The following CLPTM1 variants were observed in gnomAD, a reference collection of about 807,000 sequenced individuals.
CLPTM1 encodes CLPTM1 regulator of GABA type A receptor forward trafficking.
A neutral mutation model predicts 77.3 loss-of-function variants in CLPTM1; 21 were observed. That is an observed-to-expected ratio of 0.27 (90% CI 0.19 to 0.39). The LOEUF is 0.39. Among genes scored for constraint, CLPTM1 ranks in the 10% least tolerant of loss-of-function variants. The pLI is 1.00. For synonymous variants in CLPTM1, 373 were observed against 381.0 expected (o/e 0.98, Z 0.24); for missense variants, 642 against 921.2 (o/e 0.70, Z 3.92).
intron 4 of CLPTM1, 130 bp downstream of exon 4, chr19:44,974,727 A>G (rs1970779871): frequency 2.0e-6 from 2 of 1,019,444 alleles, no homozygotes; most frequent in South Asian, 1.7e-5. Flanking sequence ...CTGGGCTCAC[A>G]TGGTCTGTGA....
At chr19:44,974,776 C>T (rs1012033813) in intron 4 of CLPTM1, among the ~76,000 whole-genome samples, 179 bp downstream of exon 4, 1 of 152,162 alleles carries the variant, frequency 6.6e-6, no homozygotes, top group Non-Finnish European at 1.5e-5. Context: ...CTTCACTTTC[C>T]CCTACCTGAA....
chr19:44,954,836 A>C (rs1055875151), upstream of CLPTM1: 1 of 1,200,104 alleles, frequency 8.3e-7, no homozygotes, highest in Non-Finnish European at 1.1e-6. Context: ...CACAGAAAGG[A>C]TATGAGCTCA....
intron 5 of CLPTM1, among the ~76,000 whole-genome samples, chr19:44,980,347 A>G (rs1479656528): frequency 6.6e-6 from 1 of 151,942 alleles, no homozygotes; most frequent in Admixed American, 6.6e-5. Context: ...TGTCTCTACT[A>G]AAAATACAAA....
intron 5 of CLPTM1, 130 bp downstream of exon 5, chr19:44,977,590 G>A: frequency 1.3e-6 from 1 of 743,078 alleles, no homozygotes; most frequent in Non-Finnish European, 2.3e-6. Context: ...AAGAGGGTGG[G>A]ATTGGCAGGG....
In CLPTM1 at chr19:44,990,289, C is replaced by A; in HGVS notation, c.1133-106C>A. 1 of 1,192,858 alleles carries A rather than the reference C, an allele frequency of 8.4e-7. No individual in the cohort carries two copies. Among genetic ancestry groups the A allele is most frequent in the South Asian group, 1.4e-5 (1 of 71,076 alleles). 73.9% of individuals were successfully genotyped at this position (1,192,858 alleles called of 1,614,324 possible). A position where few individuals can be genotyped will look rare whatever the true frequency, so the allele number is the denominator to read the frequency against. On this transcript the variant is annotated intron_variant, in intron 9 of 13. Coordinates refer to ENST00000337392, the MANE Select transcript of CLPTM1 (RefSeq NM_001294.4). This position sits in a 1 kb window ranked among gnomAD's most constrained non-coding sequence, Gnocchi z 4.8. The stretch of plus-strand genomic sequence containing the variant: ...TTCAGCACCCCTCCTGAGGACCCAG[C>A]CCCACCCCAGGGTGTGAGGATGCAG...
At chr19:44,985,468 G>A (rs758766387) in intron 6 of CLPTM1, among the ~76,000 whole-genome samples, 165 bp downstream of exon 6, 16 of 152,188 alleles carry the variant, frequency 1.1e-4, no homozygotes, top group Non-Finnish European at 1.9e-4. Flanking sequence ...GGGAAATGGG[G>A]TCAGGAGGCA....
chr19:44,981,032 C>G (rs1299256818), intron 5 of CLPTM1, among the ~76,000 whole-genome samples: 2 of 152,004 alleles, frequency 1.3e-5, no homozygotes, highest in African/African-American at 2.4e-5. Context: ...TAGTAGAGAC[C>G]AGGTTTCACC....
At chr19:44,972,999 G>A in intron 2 of CLPTM1, 88 bp from the exon 3 acceptor site, 2 of 1,552,240 alleles carry the variant, frequency 1.3e-6, no homozygotes, top group Non-Finnish European at 1.7e-6. Context: ...TCAGGCGCCA[G>A]CATGTGCTAA....
At chr19:44,972,485 G>A (rs974449450) in intron 2 of CLPTM1, among the ~76,000 whole-genome samples, 2 of 152,004 alleles carry the variant, frequency 1.3e-5, no homozygotes, top group Non-Finnish European at 2.9e-5. Context: ...TCCTGACCTC[G>A]TGATCCGCCC....
At chr19:44,986,624 C>T in intron 7 of CLPTM1, 49 bp downstream of exon 7, 1 of 1,596,838 alleles carries the variant, frequency 6.3e-7, no homozygotes, top group South Asian at 1.1e-5. Flanking sequence ...TGAGAGGGTG[C>T]TCGGGGTCCA....
rs1470985056 is a variant in CLPTM1 at position 44,992,517 on chromosome 19, T to C, written c.1724-94T>C. ...GATGGGGTGCTCAGTCTGAGGGGGC[T>C]CGGCCCCGCCCTTGCATCACGCCCT... is the stretch of plus-strand genomic sequence containing the variant. On this transcript the variant is annotated intron_variant, in intron 13 of 13. Transcript: ENST00000337392. The surrounding 1 kb of genome is among the most constrained non-coding windows in gnomAD (Gnocchi z 7.7). The C allele has an allele frequency of 6.3e-7, 1 of 1,589,990 alleles. No individual in the cohort carries two copies. The highest frequency in any genetic ancestry group is 1.7e-5 in the Admixed American group (1 of 59,356).
At position 44,977,480 on chromosome 19, in the gene CLPTM1, C is replaced by G; in HGVS notation, c.586+20C>G. 6.4e-7 allele frequency: 1 copy of G among 1,553,768 alleles called. No homozygotes were observed. The highest frequency in any genetic ancestry group is 8.8e-7 in the Non-Finnish European group (1 of 1,134,890). The stretch of plus-strand genomic sequence containing the variant: ...CCCGGAGTAAGTCGCTCCCCTGCAG[C>G]CAGGACCCACTGTCCAGGAGGCCAG... On this transcript the variant is annotated intron_variant, in intron 5 of 13. Transcript: ENST00000337392.
intron 2 of CLPTM1, among the ~76,000 whole-genome samples, chr19:44,969,707 A>G (rs1279711537): frequency 1.8e-5 from 2 of 112,126 alleles, no homozygotes; most frequent in Non-Finnish European, 3.7e-5. Context: ...TTTTTTTTTG[A>G]GATGGAGTCT....
chr19:44,955,370 C>A, upstream of CLPTM1: 7 of 477,220 alleles, frequency 1.5e-5, no homozygotes, highest in Non-Finnish European at 1.9e-5. Context: ...GGGCTGGCGG[C>A]GGGGGCGGGG....
chr19:44,962,978 T>C (rs926470951), intron 2 of CLPTM1, among the ~76,000 whole-genome samples: 2 of 150,672 alleles, frequency 1.3e-5, no homozygotes, highest in Non-Finnish European at 3.0e-5. Flanking sequence ...AGAGCTGAGA[T>C]CGCGCTACTG....
chr19:44,974,751 C>G (rs1226945771), intron 4 of CLPTM1, among the ~76,000 whole-genome samples, 154 bp downstream of exon 4: 1 of 152,126 alleles, frequency 6.6e-6, no homozygotes, highest in South Asian at 2.1e-4. Flanking sequence ...CAAGCCAGTC[C>G]CTGAGATCTC....
intron 9 of CLPTM1, among the ~76,000 whole-genome samples, chr19:44,988,565 G>A (rs1971020089): frequency 6.6e-6 from 1 of 152,246 alleles, no homozygotes. Context: ...GGAAGGAGGA[G>A]CACTGTCCCC....
intron 1 of CLPTM1, among the ~76,000 whole-genome samples, chr19:44,959,507 A>G (rs911539917): frequency 6.7e-6 from 1 of 149,078 alleles, no homozygotes; most frequent in African/African-American, 2.5e-5. Flanking sequence ...GGCATGCACT[A>G]CCACACCTGG....
In CLPTM1 at chr19:44,991,766, G is replaced by A. The variant is rs1041134693; in HGVS notation, c.1555+393G>A. On this transcript the variant is annotated intron_variant, in intron 12 of 13. Coordinates refer to ENST00000337392, the MANE Select transcript of CLPTM1 (RefSeq NM_001294.4). The surrounding 1 kb of genome is among the most constrained non-coding windows in gnomAD (Gnocchi z 5.4). ...AAAAAAACACAGAAATTATTGGGGA[G>A]TGGTGGTGCGTGCCTGTAGTCCCAG... 3.3e-5 allele frequency among the ~76,000 whole-genome samples: 5 copies of A among 152,114 alleles called. No individual in the cohort carries two copies. Among genetic ancestry groups the A allele is most frequent in the African/African-American group, 1.2e-4 (5 of 41,428 alleles).
Sources: allele counts gnomAD v4.1 joint callset (sites outside exome capture counted in the v4.1 genomes callset), GRCh38; gene constraint gnomAD v4.1.1; non-coding constraint Gnocchi (gnomAD v3.1); transcripts MANE v1.5; gene names NCBI Gene and HGNC (gene_info 2026-07-23, HGNC 2026-07-21).